Variants in CERS6 observed in about 807,000 individuals in gnomAD.
CERS6 encodes ceramide synthase 6.
CERS6 carries 26 observed loss-of-function variants against 56.8 expected under a neutral mutation model. That is an observed-to-expected ratio of 0.46 (90% CI 0.34 to 0.63). The LOEUF (loss-of-function observed/expected upper bound fraction) is 0.63. CERS6 is among the 30% of genes least tolerant of loss of function. The probability of loss-of-function intolerance (pLI) is 0.01; values close to 1 mark genes in which losing one functional copy is unlikely to be tolerated. For missense variants in CERS6, 415 were observed against 467.5 expected (o/e 0.89, Z 1.04); for synonymous variants, 164 against 173.3 (o/e 0.95, Z 0.42).
intron 2 of CERS6, among the ~76,000 whole-genome samples, chr2:168,555,722 C>CTGTGTGTGTGTG (rs58781728): frequency 0.012 from 1,622 of 140,926 alleles, 22 homozygotes; most frequent in African/African-American, 0.027. Flanking sequence ...ATAATTGACT[C>CTGTGTGTGTGTG]TGTGTGTGTG....
intron 8 of CERS6, among the ~76,000 whole-genome samples, chr2:168,736,654 A>G (rs905082703): frequency 2.0e-5 from 3 of 152,222 alleles, no homozygotes; most frequent in Admixed American, 6.5e-5. Context: ...TTGAGGGAAA[A>G]AGGCTTAAAT....
At chr2:168,744,821 G>T (rs1684051728) in intron 8 of CERS6, among the ~76,000 whole-genome samples, 1 of 152,196 alleles carries the variant, frequency 6.6e-6, no homozygotes, top group African/African-American at 2.4e-5. Context: ...TTAAAAATGA[G>T]TACTGATGGG....
At chr2:168,645,142 T>TATATATAGAGAGAG (rs753700977) in intron 4 of CERS6, among the ~76,000 whole-genome samples, 1 of 12,746 alleles carries the variant, frequency 7.8e-5, no homozygotes, top group Non-Finnish European at 1.5e-4. Context: ...TATATATATA[T>TATATATAGAGAGAG]AGAGAGAGAG....
intron 1 of CERS6, among the ~76,000 whole-genome samples, chr2:168,464,211 T>A (rs62175790): frequency 0.03 from 4,477 of 149,044 alleles, 89 homozygotes; most frequent in Non-Finnish European, 0.046. Flanking sequence ...TGTGTGTGTG[T>A]GACAAGGGTC....
chr2:168,559,924 G>GGT (rs1281947623), intron 2 of CERS6, among the ~76,000 whole-genome samples: 2 of 151,312 alleles, frequency 1.3e-5, no homozygotes, highest in African/African-American at 2.4e-5. Flanking sequence ...TAGTTTTGTT[G>GGT]GGTAGTAGAT....
At chr2:168,528,110 A>G (rs1407978494) in intron 1 of CERS6, among the ~76,000 whole-genome samples, 1 of 152,054 alleles carries the variant, frequency 6.6e-6, no homozygotes, top group Non-Finnish European at 1.5e-5. Flanking sequence ...CCACCTTCCA[A>G]CACTGTTCCA....
intron 1 of CERS6, among the ~76,000 whole-genome samples, chr2:168,526,831 CTT>C (rs1180643621): frequency 6.6e-6 from 1 of 152,236 alleles, no homozygotes; most frequent in African/African-American, 2.4e-5. Flanking sequence ...GTTAGTATCT[CTT>C]TAGTTTCTTA....
intron 3 of CERS6, among the ~76,000 whole-genome samples, chr2:168,624,332 G>A (rs1010657169): frequency 6.6e-6 from 1 of 152,054 alleles, no homozygotes; most frequent in Admixed American, 6.6e-5. Context: ...TTTAATTTAT[G>A]TGCTAAAATT....
At chr2:168,717,577 G>C (rs1687255850) in intron 7 of CERS6, among the ~76,000 whole-genome samples, 2 of 152,088 alleles carry the variant, frequency 1.3e-5, no homozygotes, top group African/African-American at 4.8e-5. Context: ...TTTTCTCTCT[G>C]TTTTTCTGAA....
At chr2:168,616,205 G>T (rs1248205345) in intron 3 of CERS6, among the ~76,000 whole-genome samples, 1 of 152,040 alleles carries the variant, frequency 6.6e-6, no homozygotes, top group Non-Finnish European at 1.5e-5. Context: ...AGCACTTCAG[G>T]AACTGCTAAA....
chr2:168,573,241 A>G (rs1176377115), intron 3 of CERS6, among the ~76,000 whole-genome samples: 1 of 152,228 alleles, frequency 6.6e-6, no homozygotes, highest in East Asian at 1.9e-4. Context: ...GAGTTTAAAG[A>G]GGAATCAGGC....
chr2:168,655,203 C>T (rs1250979836), intron 4 of CERS6, among the ~76,000 whole-genome samples: 2 of 151,996 alleles, frequency 1.3e-5, no homozygotes, highest in African/African-American at 2.4e-5. Flanking sequence ...ACACCTCTTA[C>T]GATGGCTTTT....
chr2:168,531,593 G>A (rs1369382212), intron 1 of CERS6, among the ~76,000 whole-genome samples: 1 of 152,128 alleles, frequency 6.6e-6, no homozygotes, highest in Admixed American at 6.5e-5. Context: ...AGGCCAAGGC[G>A]GGTGGATCAC....
chr2:168,482,853 T>G (rs1040527476), intron 1 of CERS6, among the ~76,000 whole-genome samples: 27 of 152,258 alleles, frequency 1.8e-4, no homozygotes, highest in African/African-American at 5.8e-4. Context: ...AAATAAAAAC[T>G]AAGTGTCTAA....
intron 1 of CERS6, among the ~76,000 whole-genome samples, chr2:168,512,322 G>A (rs1694803053): frequency 6.6e-6 from 1 of 151,966 alleles, no homozygotes; most frequent in Admixed American, 6.6e-5. Context: ...ATTAAAAATG[G>A]TTAATACAGT....
intron 1 of CERS6, among the ~76,000 whole-genome samples, chr2:168,484,603 T>C (rs1180938996): frequency 2.0e-5 from 3 of 152,200 alleles, no homozygotes; most frequent in Non-Finnish European, 2.9e-5. Flanking sequence ...TGAGTGCTCT[T>C]CCTGTTTAAC....
chr2:168,464,366 G>T (rs1265366696), intron 1 of CERS6, among the ~76,000 whole-genome samples: 1 of 151,972 alleles, frequency 6.6e-6, no homozygotes, highest in Non-Finnish European at 1.5e-5. Context: ...TCACCATGTT[G>T]GCCGGGCTAG....
At chr2:168,674,244 T>G (rs182183840) in intron 4 of CERS6, among the ~76,000 whole-genome samples, 10 of 152,348 alleles carry the variant, frequency 6.6e-5, no homozygotes, top group Admixed American at 6.5e-4. Flanking sequence ...TTTTTTAGAA[T>G]AGTTAGACCT....
At chr2:168,570,958 G>A (rs775645147) in intron 3 of CERS6, among the ~76,000 whole-genome samples, 4 of 152,080 alleles carry the variant, frequency 2.6e-5, no homozygotes, top group Admixed American at 6.5e-5. Context: ...TTGATTCTGC[G>A]CATTGGTAAA....
Sources: allele counts gnomAD v4.1 joint callset (sites outside exome capture counted in the v4.1 genomes callset), GRCh38; gene constraint gnomAD v4.1.1; transcripts MANE v1.5; gene names NCBI Gene and HGNC (gene_info 2026-07-23, HGNC 2026-07-21).